Variants in PRKAR2B observed in about 807,000 individuals in gnomAD.
PRKAR2B encodes protein kinase cAMP-dependent type II regulatory subunit beta.
Under a neutral mutation model 49.9 loss-of-function variants are expected in PRKAR2B, and 14 were observed. The ratio of observed to expected loss-of-function variants is 0.28; its 90% confidence interval spans 0.19 to 0.44. The LOEUF (loss-of-function observed/expected upper bound fraction) is 0.44, where lower values mean the gene tolerates loss of function less well. PRKAR2B is among the 20% of genes least tolerant of loss of function. PRKAR2B has a pLI of 1.00. For synonymous variants in PRKAR2B, 196 were observed against 197.7 expected (o/e 0.99, Z 0.07); for missense variants, 393 against 537.9 (o/e 0.73, Z 2.67).
Position 107,044,863 on chromosome 7 carries a change from A to AG in PRKAR2B, c.-40dup. ...CGCGGGGCCCTAGGCCGTGCCGGGG[A>AG]GGGGGCGAGGGCGGCGCCCAGGCGC... is the stretch of plus-strand genomic sequence containing the variant. On this transcript the variant is annotated 5_prime_UTR_variant, in exon 1 of 11. Transcript: ENST00000265717. 1 of 1,516,912 alleles carries AG rather than the reference A, an allele frequency of 6.6e-7. No individual in the cohort carries two copies. Among genetic ancestry groups the AG allele is most frequent in the Non-Finnish European group, 8.8e-7 (1 of 1,131,742 alleles). The allele number at this position is 1,516,912 out of a possible 1,614,324, so 94.0% of individuals were successfully genotyped here. A position where few individuals can be genotyped will look rare whatever the true frequency, so the allele number is the denominator to read the frequency against.
chr7:107,058,767 T>C (rs530197058), intron 1 of PRKAR2B, among the ~76,000 whole-genome samples: 2 of 152,352 alleles, frequency 1.3e-5, no homozygotes, highest in East Asian at 3.9e-4. Flanking sequence ...GGAGCACATT[T>C]TACATTAAAG....
At chr7:107,062,720 A>T (rs1794049619) in intron 1 of PRKAR2B, among the ~76,000 whole-genome samples, 1 of 152,090 alleles carries the variant, frequency 6.6e-6, no homozygotes, top group Non-Finnish European at 1.5e-5. Flanking sequence ...AAAAAATTGG[A>T]AATGTGGACA....
chr7:107,102,031 C>G (rs893376518), intron 2 of PRKAR2B, among the ~76,000 whole-genome samples: 3 of 151,988 alleles, frequency 2.0e-5, no homozygotes, highest in Admixed American at 6.6e-5. Flanking sequence ...ACTCACCAGT[C>G]TGCTGATCAG....
chr7:107,148,664 A>G, intron 6 of PRKAR2B, among the ~76,000 whole-genome samples: 1 of 152,178 alleles, frequency 6.6e-6, no homozygotes, highest in East Asian at 1.9e-4. Flanking sequence ...GTCGAGTAGA[A>G]AATAAATTTT....
At chr7:107,142,712 G>T (rs562992251) in intron 5 of PRKAR2B, among the ~76,000 whole-genome samples, 1 of 152,026 alleles carries the variant, frequency 6.6e-6, no homozygotes, top group South Asian at 2.1e-4. Flanking sequence ...GCCTGCCGGA[G>T]GCCTTGTATT....
chr7:107,049,328 TGA>T (rs1793758206), intron 1 of PRKAR2B, among the ~76,000 whole-genome samples: 1 of 152,212 alleles, frequency 6.6e-6, no homozygotes, highest in Non-Finnish European at 1.5e-5. Flanking sequence ...GCTGATTTTC[TGA>T]GTTATAGAAG....
chr7:107,095,763 T>C (rs1404669525), intron 2 of PRKAR2B, among the ~76,000 whole-genome samples: 1 of 152,250 alleles, frequency 6.6e-6, no homozygotes, highest in Non-Finnish European at 1.5e-5. Flanking sequence ...GAGATAATCA[T>C]GTGGTTTTTG....
chr7:107,124,381 C>G (rs1584440799), intron 3 of PRKAR2B, among the ~76,000 whole-genome samples: 1 of 152,194 alleles, frequency 6.6e-6, no homozygotes, highest in Non-Finnish European at 1.5e-5. Context: ...GGACAAGTCT[C>G]TGCCCTCTTG....
chr7:107,065,714 C>A (rs1184318151), intron 1 of PRKAR2B, among the ~76,000 whole-genome samples: 1 of 152,192 alleles, frequency 6.6e-6, no homozygotes, highest in African/African-American at 2.4e-5. Context: ...GAGACTTGCT[C>A]TGTTTCCTTG....
At chr7:107,049,059 C>T (rs976195381) in intron 1 of PRKAR2B, among the ~76,000 whole-genome samples, 7 of 152,106 alleles carry the variant, frequency 4.6e-5, no homozygotes, top group African/African-American at 9.7e-5. Flanking sequence ...AGAAGGTTTA[C>T]GGTAGGCTAT....
At chr7:107,095,300 C>G (rs904411213) in intron 2 of PRKAR2B, among the ~76,000 whole-genome samples, 3 of 151,924 alleles carry the variant, frequency 2.0e-5, no homozygotes, top group African/African-American at 7.2e-5. Context: ...TGATTTGGCT[C>G]TCTGTATGTT....
intron 2 of PRKAR2B, chr7:107,081,786 G>A (rs1209484784): frequency 1.3e-5 from 2 of 152,114 alleles, no homozygotes; most frequent in African/African-American, 4.8e-5. Flanking sequence ...TGGAAAGAAG[G>A]GGCCTTTCAC....
intron 2 of PRKAR2B, among the ~76,000 whole-genome samples, chr7:107,076,505 T>C (rs948685084): frequency 1.3e-5 from 2 of 152,216 alleles, no homozygotes; most frequent in African/African-American, 2.4e-5. Context: ...CCGCCTGTTA[T>C]GCATTCATAG....
At chr7:107,048,830 C>T (rs1175999513) in intron 1 of PRKAR2B, among the ~76,000 whole-genome samples, 16 of 152,086 alleles carry the variant, frequency 1.1e-4, no homozygotes, top group Admixed American at 6.5e-5. Flanking sequence ...TGTTACTTTC[C>T]ATTTGCTATC....
At chr7:107,151,238 T>G (rs1442600248) in intron 7 of PRKAR2B, among the ~76,000 whole-genome samples, 1 of 152,256 alleles carries the variant, frequency 6.6e-6, no homozygotes, top group East Asian at 1.9e-4. Flanking sequence ...AATACATTCC[T>G]ACCCAGCATC....
chr7:107,048,774 C>A (rs375088642), intron 1 of PRKAR2B, among the ~76,000 whole-genome samples: 1 of 152,164 alleles, frequency 6.6e-6, no homozygotes, highest in South Asian at 2.1e-4. Context: ...CTTCTAATAG[C>A]TTTCTTTTCC....
intron 2 of PRKAR2B, among the ~76,000 whole-genome samples, chr7:107,094,773 C>T (rs887561039): frequency 2.0e-5 from 3 of 152,148 alleles, no homozygotes; most frequent in Non-Finnish European, 4.4e-5. Context: ...GAATCCTTTC[C>T]CCATTTCTTG....
At chr7:107,093,670 C>A (rs1202858232) in intron 2 of PRKAR2B, among the ~76,000 whole-genome samples, 1 of 128,316 alleles carries the variant, frequency 7.8e-6, no homozygotes, top group East Asian at 2.8e-4. Flanking sequence ...CCTCCCCCCA[C>A]CCCATGACAG....
intron 2 of PRKAR2B, among the ~76,000 whole-genome samples, chr7:107,108,906 G>A (rs1795123898): frequency 6.6e-6 from 1 of 152,198 alleles, no homozygotes; most frequent in African/African-American, 2.4e-5. Context: ...TTCAAGAAAA[G>A]CAAGTTCTTA....
Sources: allele counts gnomAD v4.1 joint callset (sites outside exome capture counted in the v4.1 genomes callset), GRCh38; gene constraint gnomAD v4.1.1; transcripts MANE v1.5; gene names NCBI Gene and HGNC (gene_info 2026-07-23, HGNC 2026-07-21).